The following ERC2 variants were observed in gnomAD, a reference collection of about 807,000 sequenced individuals.
ERC2 encodes the protein ERC protein 2.
A neutral mutation model predicts 114.8 loss-of-function variants in ERC2; 42 were observed. The observed-to-expected ratio is 0.37, with a 90% CI of 0.29 to 0.47. The LOEUF (loss-of-function observed/expected upper bound fraction) is 0.47, where lower values mean the gene tolerates loss of function less well. Among genes scored for constraint, ERC2 ranks in the 20% least tolerant of loss-of-function variants. The probability of loss-of-function intolerance (pLI) is 0.99; values close to 1 mark genes in which losing one functional copy is unlikely to be tolerated. For synonymous variants in ERC2, 454 were observed against 425.5 expected, an observed-to-expected ratio of 1.07 and a Z score of -0.82; for missense variants, 939 against 1,150.7, an observed-to-expected ratio of 0.82 and a Z score of 2.66.
intron 12 of ERC2, among the ~76,000 whole-genome samples, chr3:55,979,800 G>T (rs1282015018): frequency 6.6e-6 from 1 of 151,700 alleles, no homozygotes; most frequent in African/African-American, 2.4e-5. Flanking sequence ...AATTCAATTA[G>T]CTGTGCATGG....
At chr3:56,417,049 T>C (rs942538116) in intron 2 of ERC2, among the ~76,000 whole-genome samples, 3 of 152,242 alleles carry the variant, frequency 2.0e-5, no homozygotes, top group African/African-American at 4.8e-5. Context: ...CCAGATATTA[T>C]GCAGCAGATG....
At chr3:55,897,974 T>C (rs552707966) in intron 13 of ERC2, among the ~76,000 whole-genome samples, 1 of 152,336 alleles carries the variant, frequency 6.6e-6, no homozygotes, top group African/African-American at 2.4e-5. Flanking sequence ...TGCAAACAAA[T>C]GCCCACATTA....
intron 15 of ERC2, among the ~76,000 whole-genome samples, chr3:55,711,596 G>A (rs62249280): frequency 0.018 from 2,727 of 152,248 alleles, 36 homozygotes; most frequent in Middle Eastern, 0.031. Context: ...ACTCCAAAAG[G>A]GAAGATATCT....
intron 14 of ERC2, among the ~76,000 whole-genome samples, chr3:55,814,807 AT>A (rs2059849718): frequency 6.6e-6 from 1 of 152,232 alleles, no homozygotes; most frequent in South Asian, 2.1e-4. Context: ...CGTGTGGCAC[AT>A]GCTGGAACTC....
At chr3:56,307,371 G>A (rs1324272501) in intron 2 of ERC2, among the ~76,000 whole-genome samples, 1 of 152,216 alleles carries the variant, frequency 6.6e-6, no homozygotes, top group Non-Finnish European at 1.5e-5. Flanking sequence ...CAATTACAGT[G>A]TAGGGAGGAA....
intron 17 of ERC2, chr3:55,610,506 A>C (rs112635089): frequency 3.6e-4 from 49 of 137,322 alleles, no homozygotes; most frequent in African/African-American, 7.9e-4. Flanking sequence ...TCTACGGAAA[A>C]ACACACACAC....
chr3:55,829,046 G>A (rs2315943), intron 14 of ERC2, among the ~76,000 whole-genome samples: 25,481 of 152,080 alleles, frequency 0.17, 2,423 homozygotes, highest in East Asian at 0.23. Flanking sequence ...TGGGAGGATC[G>A]ATTGAGCCCA....
chr3:56,262,754 A>G (rs981390432), intron 3 of ERC2, among the ~76,000 whole-genome samples: 2 of 152,252 alleles, frequency 1.3e-5, no homozygotes, highest in African/African-American at 4.8e-5. Flanking sequence ...TAAAGTTACT[A>G]ACTTTCCTCT....
intron 12 of ERC2, among the ~76,000 whole-genome samples, chr3:55,965,274 A>G (rs2068667548): frequency 6.6e-6 from 1 of 152,234 alleles, no homozygotes; most frequent in Admixed American, 6.5e-5. Flanking sequence ...TTCTACTTCT[A>G]CGCTATCCAG....
intron 13 of ERC2, among the ~76,000 whole-genome samples, chr3:55,948,040 G>A (rs2067246557): frequency 6.6e-6 from 1 of 152,200 alleles, no homozygotes; most frequent in Admixed American, 6.5e-5. Flanking sequence ...TGACTGAGGT[G>A]ACGCAGGTTT....
chr3:55,889,153 C>T (rs1271895311), intron 13 of ERC2, among the ~76,000 whole-genome samples: 1 of 152,132 alleles, frequency 6.6e-6, no homozygotes, highest in Non-Finnish European at 1.5e-5. Context: ...TTTTGCCCAG[C>T]ACAATATACT....
At chr3:55,782,775 A>G (rs1314436960) in intron 14 of ERC2, among the ~76,000 whole-genome samples, 2 of 152,190 alleles carry the variant, frequency 1.3e-5, no homozygotes, top group Non-Finnish European at 2.9e-5. Context: ...CCCCACATTC[A>G]GCCAGGATCA....
chr3:55,714,665 GTGTATATATATATATATATA>G (rs1406790326), intron 15 of ERC2, among the ~76,000 whole-genome samples: 1,482 of 36,538 alleles, frequency 0.041, 11 homozygotes, highest in Middle Eastern at 0.069. Context: ...GTGTGTGTGT[GTGTATATATATATATATATA>G]TATATATATA....
chr3:55,969,599 T>C (rs1392575244), intron 12 of ERC2, among the ~76,000 whole-genome samples: 1 of 152,202 alleles, frequency 6.6e-6, no homozygotes, highest in East Asian at 1.9e-4. Context: ...AAGCCAGCCT[T>C]TGCAAGAGCA....
At chr3:56,096,875 A>G (rs946530773) in intron 6 of ERC2, among the ~76,000 whole-genome samples, 3 of 152,238 alleles carry the variant, frequency 2.0e-5, no homozygotes, top group Non-Finnish European at 4.4e-5. Context: ...ATACTGAAAT[A>G]GTTTTAACAA....
intron 7 of ERC2, among the ~76,000 whole-genome samples, chr3:56,079,991 T>C (rs73091061): frequency 0.2 from 30,290 of 151,976 alleles, 3,408 homozygotes; most frequent in African/African-American, 0.3. Flanking sequence ...AGCATCCAGG[T>C]CAGAGGCTCC....
At chr3:56,349,483 A>T (rs2058467036) in intron 2 of ERC2, among the ~76,000 whole-genome samples, 1 of 152,188 alleles carries the variant, frequency 6.6e-6, no homozygotes, top group South Asian at 2.1e-4. Context: ...ATATTTCCCA[A>T]TCACACTTTA....
chr3:55,804,527 A>G (rs371360161), intron 14 of ERC2, among the ~76,000 whole-genome samples: 2 of 152,104 alleles, frequency 1.3e-5, no homozygotes, highest in African/African-American at 4.8e-5. Context: ...TTTTATTTGC[A>G]TTATTTCCTT....
At chr3:56,426,709 G>A (rs952015861) in intron 2 of ERC2, among the ~76,000 whole-genome samples, 2 of 152,190 alleles carry the variant, frequency 1.3e-5, no homozygotes, top group African/African-American at 4.8e-5. Flanking sequence ...GACATGGAAC[G>A]TACCTAAACC....
Sources: gnomAD v4.1 joint callset for allele counts (sites outside exome capture counted in the v4.1 genomes callset) on GRCh38, gnomAD v4.1.1 for gene constraint, MANE v1.5 for transcripts, NCBI Gene and HGNC (gene_info 2026-07-23, HGNC 2026-07-21) for gene names.